Variants in NRP1 observed in about 807,000 individuals in gnomAD.
NRP1 encodes the protein neuropilin-1.
In NRP1, 35 loss-of-function variants were observed where a neutral mutation model predicts 106.7. That is an observed-to-expected ratio of 0.33 (90% CI 0.25 to 0.43). The LOEUF is 0.43. NRP1 is among the 20% of genes least tolerant of loss of function. The probability of loss-of-function intolerance (pLI) is 1.00; values close to 1 mark genes in which losing one functional copy is unlikely to be tolerated. For synonymous variants in NRP1, 437 were observed against 417.9 expected (o/e 1.05, Z -0.56); for missense variants, 1,024 against 1,170.4 (o/e 0.87, Z 1.83).
At chr10:33,268,855 T>C (rs966087047) in intron 3 of NRP1, among the ~76,000 whole-genome samples, 15 of 152,216 alleles carry the variant, frequency 9.9e-5, no homozygotes, top group African/African-American at 3.4e-4. Flanking sequence ...CTATTATCTA[T>C]ACGAAAGGTG....
chr10:33,328,409 G>A (rs1157123583), intron 2 of NRP1, among the ~76,000 whole-genome samples: 2 of 152,106 alleles, frequency 1.3e-5, no homozygotes, highest in Non-Finnish European at 2.9e-5. Context: ...GCACCAAAAT[G>A]TTGAATGAAC....
intron 2 of NRP1, among the ~76,000 whole-genome samples, chr10:33,294,264 G>A (rs1001531991): frequency 6.6e-6 from 1 of 152,172 alleles, no homozygotes; most frequent in Non-Finnish European, 1.5e-5. Flanking sequence ...TTAGCTTCCT[G>A]CAAATGTGCA....
At chr10:33,316,177 C>T (rs1847021843) in intron 2 of NRP1, among the ~76,000 whole-genome samples, 1 of 152,116 alleles carries the variant, frequency 6.6e-6, no homozygotes, top group South Asian at 2.1e-4. Context: ...TGCAATCGCT[C>T]CAGGGATAGG....
At chr10:33,237,405 G>A (rs1194304438) in intron 6 of NRP1, among the ~76,000 whole-genome samples, 1 of 151,754 alleles carries the variant, frequency 6.6e-6, no homozygotes, top group Non-Finnish European at 1.5e-5. Context: ...GGACCTCATA[G>A]GACAGGGGGT....
intron 6 of NRP1, among the ~76,000 whole-genome samples, chr10:33,248,972 G>A (rs920603996): frequency 6.6e-6 from 1 of 151,898 alleles, no homozygotes; most frequent in Non-Finnish European, 1.5e-5. Context: ...AGCCCGAGTT[G>A]GTTTGTCAAG....
chr10:33,261,707 T>A (rs189930162), intron 4 of NRP1, among the ~76,000 whole-genome samples: 24 of 152,310 alleles, frequency 1.6e-4, no homozygotes, highest in Admixed American at 6.5e-4. Context: ...TAATGTCATT[T>A]CAAAGACTAA....
At chr10:33,241,263 T>A (rs1348445314) in intron 6 of NRP1, among the ~76,000 whole-genome samples, 1 of 152,208 alleles carries the variant, frequency 6.6e-6, no homozygotes, top group Non-Finnish European at 1.5e-5. Context: ...CATAGCATTA[T>A]TCCGTGCTCT....
intron 13 of NRP1, among the ~76,000 whole-genome samples, chr10:33,189,650 C>T (rs1214037935): frequency 1.3e-5 from 2 of 152,208 alleles, no homozygotes; most frequent in Non-Finnish European, 2.9e-5. Flanking sequence ...AAAGGAGGTA[C>T]CTAGTTCCAT....
At chr10:33,192,208 C>T (rs2132630087) in intron 13 of NRP1, 73 bp downstream of exon 13, 2 of 1,518,790 alleles carry the variant, frequency 1.3e-6, no homozygotes, top group Non-Finnish European at 1.8e-6. Flanking sequence ...ACATTAGAAA[C>T]CCTCCCAGTA....
intron 2 of NRP1, among the ~76,000 whole-genome samples, chr10:33,325,839 G>C (rs1847849063): frequency 6.6e-6 from 1 of 152,156 alleles, no homozygotes; most frequent in Admixed American, 6.5e-5. Flanking sequence ...ACACAGAGGA[G>C]AGATTACAAA....
chr10:33,314,438 T>C (rs1389115563), intron 2 of NRP1, among the ~76,000 whole-genome samples: 1 of 152,148 alleles, frequency 6.6e-6, no homozygotes, highest in Non-Finnish European at 1.5e-5. Flanking sequence ...AAGGAGGGAG[T>C]GCTTTCTGTT....
intron 4 of NRP1, among the ~76,000 whole-genome samples, chr10:33,261,374 G>C (rs1378825641): frequency 4.6e-5 from 7 of 152,188 alleles, no homozygotes; most frequent in Non-Finnish European, 1.0e-4. Flanking sequence ...AGAAAGGAAA[G>C]CTGCAAATTT....
rs1165081177 is a variant in NRP1, at chr10:33,182,575, A to G, written c.2482+123T>C. ...ACAGCACCAACCCAGGGCCATGGGCATAGATGTTTTTTATTTGAACTTTTT... is the reference window on the plus strand; with the variant it reads ...ACAGCACCAACCCAGGGCCATGGGCGTAGATGTTTTTTATTTGAACTTTTT... On this transcript the variant is annotated intron_variant, in intron 16 of 16. Transcript: ENST00000374867. 3 of 685,926 alleles carry G rather than the reference A, an allele frequency of 4.4e-6. No homozygotes were observed. The African/African-American group carries it at 5.4e-5, about 12-fold the overall frequency. 42.5% of individuals were successfully genotyped at this position (685,926 alleles called of 1,614,324 possible).
chr10:33,307,772 A>G (rs1233998157), intron 2 of NRP1, among the ~76,000 whole-genome samples: 1 of 152,230 alleles, frequency 6.6e-6, no homozygotes, highest in Non-Finnish European at 1.5e-5. Context: ...GGCCATTTAG[A>G]TAAAAATTAT....
intron 13 of NRP1, among the ~76,000 whole-genome samples, chr10:33,190,962 T>TC (rs1181704129): frequency 6.6e-6 from 1 of 152,166 alleles, no homozygotes; most frequent in East Asian, 1.9e-4. Flanking sequence ...CAAAGGATCC[T>TC]AAAACAGACT....
At position 33,178,102 on chromosome 10, in the gene NRP1, T is replaced by A. The variant is rs1283306430; in HGVS notation, c.*1974A>T. The A allele has an allele frequency of 2.6e-5, 4 of 152,614 alleles. No individual in the cohort carries two copies. The allele number at this position is 152,614 out of a possible 1,614,324, so 9.5% of individuals were successfully genotyped here. A position where few individuals can be genotyped will look rare whatever the true frequency, so the allele number is the denominator to read the frequency against. Reference sequence around the variant, plus strand: ...GTCTCTGGGGACAAAAAACTATTCTTCTTTCATGGTGATCAATATTTTCCT... The same window carrying A: ...GTCTCTGGGGACAAAAAACTATTCTACTTTCATGGTGATCAATATTTTCCT... On this transcript the variant is annotated 3_prime_UTR_variant, in exon 17 of 17. Transcript: ENST00000374867.
chr10:33,249,084 GTTTTTTT>G (rs750905931), intron 6 of NRP1, among the ~76,000 whole-genome samples: 3 of 72,202 alleles, frequency 4.2e-5, no homozygotes, highest in African/African-American at 1.2e-4. Context: ...TATGTCTCTT[GTTTTTTT>G]TTTTTTTTTT....
At chr10:33,271,821 G>A (rs1028051478) in intron 2 of NRP1, among the ~76,000 whole-genome samples, 3 of 152,166 alleles carry the variant, frequency 2.0e-5, no homozygotes, top group African/African-American at 7.2e-5. Context: ...TTGGTGTTAT[G>A]TATTTCTTAG....
At chr10:33,279,909 C>T (rs1843988312) in intron 2 of NRP1, among the ~76,000 whole-genome samples, 1 of 152,128 alleles carries the variant, frequency 6.6e-6, no homozygotes, top group Admixed American at 6.5e-5. Context: ...TAGTGACTGT[C>T]GGTTTGGGAG....
Sources: allele counts gnomAD v4.1 joint callset (sites outside exome capture counted in the v4.1 genomes callset), GRCh38; gene constraint gnomAD v4.1.1; transcripts MANE v1.5; gene names NCBI Gene and HGNC (gene_info 2026-07-23, HGNC 2026-07-21).